Variants in KNL1 observed in about 807,000 individuals in gnomAD.
KNL1 encodes outer kinetochore KNL1 complex subunit KNL1.
KNL1 carries 66 observed loss-of-function variants against 201.3 expected under a neutral mutation model. The observed-to-expected ratio is 0.33, with a 90% CI of 0.27 to 0.40. KNL1 has a LOEUF of 0.40. KNL1 is among the 10% of genes least tolerant of loss of function. The pLI, the probability that KNL1 is intolerant of heterozygous loss-of-function variation, is 1.00. For synonymous variants in KNL1, 895 were observed against 899.2 expected (o/e 1.00, Z 0.08); for missense variants, 2,815 against 2,690.5 (o/e 1.05, Z -1.02).
chr15:40,608,761 A>AT, intron 4 of KNL1, 86 bp from the exon 5 acceptor site: 2 of 792,414 alleles, frequency 2.5e-6, no homozygotes, highest in Non-Finnish European at 3.9e-6. Flanking sequence ...AAAAAAAAAA[A>AT]GGACTTGATC....
rs557421191 is a variant in KNL1, at chr15:40,612,804, A to C, written c.284+1293A>C. Among the ~76,000 whole-genome samples the C allele has an allele frequency of 2.4e-4, 36 of 152,282 alleles. No individual in the cohort carries two copies. The South Asian group carries it at 7.2e-3, about 31-fold the overall frequency. ...AGTGCTGGGATTACAGGCGTGAGCC[A>C]CTGTGCCTGGCCTAAAAAAGAGATA... On this transcript the variant is annotated intron_variant, in intron 7 of 25. Transcript: ENST00000399668.
chr15:40,623,170 GAACA>G lies in KNL1; in HGVS notation c.2907_2910del (p.Arg972LeufsTer11). 6.2e-7 allele frequency: 1 copy of G among 1,613,902 alleles called. No individual in the cohort carries two copies. Among genetic ancestry groups the G allele is most frequent in the Non-Finnish European group, 8.5e-7 (1 of 1,179,902 alleles). The stretch of plus-strand genomic sequence containing the variant: ...TTCATTGACTACCAAGAAAAGGAAA[GAACA>G]GACAGACCTAACTTTGAACTATCCC... On this transcript the variant is annotated frameshift_variant, in exon 10 of 26. Coordinates refer to ENST00000399668, the MANE Select transcript of KNL1 (RefSeq NM_144508.5). LOFTEE classifies it high-confidence loss of function.
Position 40,622,135 on chromosome 15 carries a change from A to G in KNL1, c.1871A>G (p.Gln624Arg). ...EITKSRNEPFQRSDIIAKNSL... is the reference protein window; with the variant it reads ...EITKSRNEPFRRSDIIAKNSL... ...ACCAAAAGTCGTAATGAACCATTTC[A>G]GCGATCAGACATAATAGCCAAAAAC... The change falls in exon 10 of 26, where the codon CAG (glutamine) becomes CGG (arginine). Residue 624 changes from glutamine to arginine, a missense_variant. Gln to Arg is a conservative substitution (Grantham distance 43). Coordinates refer to ENST00000399668, the MANE Select transcript of KNL1 (RefSeq NM_144508.5). The G allele has an allele frequency of 6.2e-7, 1 of 1,614,162 alleles. No homozygotes were observed. The highest frequency in any genetic ancestry group is 2.2e-5 in the East Asian group (1 of 44,876).
Position 40,628,141 on chromosome 15 carries a change from G to A in KNL1, c.5448G>A (p.Arg1816=). Residue 1816 remains arginine, a synonymous_variant, in exon 11 of 26, where the codon AGG becomes AGA. Coordinates refer to ENST00000399668, the MANE Select transcript of KNL1 (RefSeq NM_144508.5). ...GTGTATTGATAAAAAACCTGAGCAG[G>A]ACCCCATCTAGTTGCAGCAGCTCTC... ...ANSVLIKNLS[R]TPSSCSSSLD... The A allele has an allele frequency of 6.2e-7, 1 of 1,613,312 alleles. No individual in the cohort carries two copies. Among genetic ancestry groups the A allele is most frequent in the African/African-American group, 1.3e-5 (1 of 74,980 alleles).
At chr15:40,660,063 C>T (rs12906755) in intron 25 of KNL1, among the ~76,000 whole-genome samples, 36,491 of 151,806 alleles carry the variant, frequency 0.24, 5,717 homozygotes, top group Middle Eastern at 0.36. Flanking sequence ...AGGCAAGCGC[C>T]ACCACACCTA....
intron 1 of KNL1, among the ~76,000 whole-genome samples, chr15:40,595,061 G>T (rs924164334): frequency 1.3e-5 from 2 of 152,184 alleles, no homozygotes; most frequent in Non-Finnish European, 2.9e-5. Context: ...TTGCCGATTG[G>T]AATTTTACAG....
chr15:40,618,672 T>C (rs1441306392), intron 8 of KNL1, among the ~76,000 whole-genome samples: 1 of 152,178 alleles, frequency 6.6e-6, no homozygotes, highest in Non-Finnish European at 1.5e-5. Context: ...ATTTTATATG[T>C]TCCCAACACA....
rs1457154935 is a variant in KNL1, at chr15:40,614,095, G to GC, written c.285-1240dup. Among the ~76,000 whole-genome samples the GC allele has an allele frequency of 3.4e-3, 457 of 133,136 alleles. 1 individual carries two copies. The highest frequency in any genetic ancestry group is 0.011 in the Admixed American group (142 of 13,244). The allele number at this position is 133,136 out of a possible 152,430, so 87.3% of individuals were successfully genotyped here. A position where few individuals can be genotyped will look rare whatever the true frequency, so the allele number is the denominator to read the frequency against. ...TTACAGGCGTGAGCCACCACGCCTG[G>GC]CCCCCCTTTTTTTTTTTTTTGAGAT... is the stretch of plus-strand genomic sequence containing the variant. On this transcript the variant is annotated intron_variant, in intron 7 of 25. Coordinates refer to ENST00000399668, the MANE Select transcript of KNL1 (RefSeq NM_144508.5).
chr15:40,651,578 G>A lies in KNL1; in HGVS notation c.6314+6G>A. 1 of 1,566,964 alleles carries A rather than the reference G, an allele frequency of 6.4e-7. No individual in the cohort carries two copies. Among genetic ancestry groups the A allele is most frequent in the Non-Finnish European group, 8.7e-7 (1 of 1,148,736 alleles). On this transcript the variant is annotated splice_donor_region_variant and intron_variant, in intron 20 of 25. Transcript: ENST00000399668. The stretch of plus-strand genomic sequence containing the variant: ...GAGCTACTGGATCAGTTGAGGTAAG[G>A]AAATGCAGGCATCATTTGTTTGTGT...
At chr15:40,618,309 C>T (rs1249758877) in intron 8 of KNL1, among the ~76,000 whole-genome samples, 1 of 151,936 alleles carries the variant, frequency 6.6e-6, no homozygotes, top group Non-Finnish European at 1.5e-5. Flanking sequence ...ATCAACTTCT[C>T]CTTATTACTT....
At position 40,622,988 on chromosome 15, in the gene KNL1, A is replaced by C; in HGVS notation, c.2724A>C (p.Thr908=). 1 of 1,614,014 alleles carries C rather than the reference A, an allele frequency of 6.2e-7. No individual in the cohort carries two copies. Among genetic ancestry groups the C allele is most frequent in the Non-Finnish European group, 8.5e-7 (1 of 1,179,894 alleles). The change falls in exon 10 of 26, where the codon ACA becomes ACC. Residue 908 remains threonine (T), a synonymous_variant. Coordinates refer to ENST00000399668, the MANE Select transcript of KNL1 (RefSeq NM_144508.5). The part of the protein sequence containing the change: ...LAGTSETILY[T]CRQDDMEITR... The stretch of plus-strand genomic sequence containing the variant: ...GAACTTCTGAAACTATTTTATATAC[A>C]TGTAGGCAGGATGACATGGAGATCA...
At chr15:40,632,692 T>C (rs770314557) in intron 13 of KNL1, among the ~76,000 whole-genome samples, 17 of 152,150 alleles carry the variant, frequency 1.1e-4, no homozygotes, top group Non-Finnish European at 2.2e-4. Context: ...ATCCAAAATA[T>C]ATAAAGAACT....
chr15:40,598,925 T>G (rs766515174), intron 1 of KNL1, among the ~76,000 whole-genome samples: 7 of 151,884 alleles, frequency 4.6e-5, no homozygotes, highest in Non-Finnish European at 8.8e-5. Flanking sequence ...TGCCTCACCC[T>G]CCCAAGTAGC....
intron 5 of KNL1, 26 bp downstream of exon 5, chr15:40,608,934 AATATT>A (rs1286681283): frequency 2.0e-6 from 3 of 1,506,920 alleles, no homozygotes; most frequent in East Asian, 2.3e-5. Context: ...AAATAACTAA[AATATT>A]ATAGGTACTG....
chr15:40,601,664 A>C (rs1891794524), intron 1 of KNL1, among the ~76,000 whole-genome samples: 1 of 150,968 alleles, frequency 6.6e-6, no homozygotes. Flanking sequence ...CTAAAAATAC[A>C]AAAAAAATTA....
In KNL1 at chr15:40,663,456, T is replaced by A; in HGVS notation, c.*1268T>A. ...TAATGTTGTTTTTGTGTTTGTGATGTAGTAAGGAGATGTACATAGAAATTC... is the reference window on the plus strand; with the variant it reads ...TAATGTTGTTTTTGTGTTTGTGATGAAGTAAGGAGATGTACATAGAAATTC... On this transcript the variant is annotated 3_prime_UTR_variant, in exon 26 of 26. Coordinates refer to ENST00000399668, the MANE Select transcript of KNL1 (RefSeq NM_144508.5). The A allele has an allele frequency of 5.4e-6, 1 of 185,842 alleles. No homozygotes were observed. The highest frequency in any genetic ancestry group is 8.7e-5 in the East Asian group (1 of 11,542). The allele number at this position is 185,842 out of a possible 1,614,324, so 11.5% of individuals were successfully genotyped here. A position where few individuals can be genotyped will look rare whatever the true frequency, so the allele number is the denominator to read the frequency against.
In KNL1 at chr15:40,610,201, A is replaced by AT. The variant is rs749028064; in HGVS notation, c.198-42dup. The AT allele has an allele frequency of 1.4e-5, 14 of 1,032,790 alleles. No homozygotes were observed. The Admixed American group carries it at 2.2e-4, about 16-fold the overall frequency. 64.0% of individuals were successfully genotyped at this position (1,032,790 alleles called of 1,614,324 possible). ...TATAAATCAACACCAAAAGATAATG[A>AT]TTACAAATTGCAGGTTTTCAATAAT... On this transcript the variant is annotated intron_variant, in intron 5 of 25. Coordinates refer to ENST00000399668, the MANE Select transcript of KNL1 (RefSeq NM_144508.5).
In KNL1 at chr15:40,663,614, A is replaced by T. The variant is rs983573969; in HGVS notation, c.*1426A>T. On this transcript the variant is annotated 3_prime_UTR_variant, in exon 26 of 26. Coordinates refer to ENST00000399668, the MANE Select transcript of KNL1 (RefSeq NM_144508.5). ...ATGTCACATCCAAAACACTAGTTTC[A>T]TCAATTTCTAGCAGTAATAATAGAC... The T allele has an allele frequency of 2.6e-5, 5 of 192,990 alleles. No individual in the cohort carries two copies. The highest frequency in any genetic ancestry group is 8.2e-5 in the East Asian group (1 of 12,184). The allele number at this position is 192,990 out of a possible 1,614,324, so 12.0% of individuals were successfully genotyped here. A position where few individuals can be genotyped will look rare whatever the true frequency, so the allele number is the denominator to read the frequency against.
At chr15:40,628,818 C>T in intron 12 of KNL1, 140 bp downstream of exon 12, 3 of 521,736 alleles carry the variant, frequency 5.8e-6, no homozygotes, top group Non-Finnish European at 1.0e-5. Flanking sequence ...GACTACTTTT[C>T]TTTGTTAAAG....
Sources: gnomAD v4.1 joint callset for allele counts (sites outside exome capture counted in the v4.1 genomes callset) on GRCh38, gnomAD v4.1.1 for gene constraint, MANE v1.5 for transcripts, NCBI Gene and HGNC (gene_info 2026-07-23, HGNC 2026-07-21) for gene names.